The following THSD7B variants were observed in gnomAD, a reference collection of about 807,000 sequenced individuals.
THSD7B encodes the protein thrombospondin type 1 domain containing 7B, also known as thrombospondin type-1 domain-containing protein 7B.
A neutral mutation model predicts 213.6 loss-of-function variants in THSD7B; 138 were observed. The observed-to-expected ratio is 0.65, with a 90% CI of 0.56 to 0.74. The LOEUF (loss-of-function observed/expected upper bound fraction) is 0.74. Ranked by LOEUF, THSD7B falls within the 30% of genes least tolerant of loss-of-function variation. The probability of loss-of-function intolerance (pLI) is 0.00; values close to 1 mark genes in which losing one functional copy is unlikely to be tolerated. For missense variants in THSD7B, 1,931 were observed against 1,991.5 expected (o/e 0.97, Z 0.58); for synonymous variants, 742 against 687.0 (o/e 1.08, Z -1.25).
chr2:137,007,424 T>C (rs147344532), intron 2 of THSD7B, among the ~76,000 whole-genome samples: 1 of 152,164 alleles, frequency 6.6e-6, no homozygotes, highest in South Asian at 2.1e-4. Flanking sequence ...CTAATAGAGA[T>C]AGATGGCCAT....
intron 2 of THSD7B, among the ~76,000 whole-genome samples, chr2:137,048,925 G>A (rs1364802289): frequency 6.6e-6 from 1 of 152,156 alleles, no homozygotes; most frequent in Non-Finnish European, 1.5e-5. Context: ...AAGTCCTTCA[G>A]GAGAACGTTG....
chr2:137,054,530 T>C (rs1157912832), intron 2 of THSD7B, among the ~76,000 whole-genome samples: 1 of 152,222 alleles, frequency 6.6e-6, no homozygotes, highest in Non-Finnish European at 1.5e-5. Context: ...TCTGGGGATG[T>C]ATATGTTTCT....
intron 7 of THSD7B, among the ~76,000 whole-genome samples, chr2:137,203,009 G>C (rs1680910570): frequency 1.3e-5 from 2 of 150,614 alleles, no homozygotes; most frequent in Admixed American, 1.3e-4. Context: ...TGGATAGAAG[G>C]AGGCATGGAC....
intron 20 of THSD7B, among the ~76,000 whole-genome samples, chr2:137,635,508 C>G (rs1682816611): frequency 6.6e-6 from 1 of 152,158 alleles, no homozygotes; most frequent in Admixed American, 6.6e-5. Flanking sequence ...AGGTTGGGAA[C>G]TGGCTGAGTA....
intron 1 of THSD7B, among the ~76,000 whole-genome samples, chr2:136,831,755 C>A (rs1682759818): frequency 6.6e-6 from 1 of 152,198 alleles, no homozygotes; most frequent in Non-Finnish European, 1.5e-5. Context: ...TAAGGCCCTA[C>A]CAAATATCAT....
At chr2:136,943,860 G>T (rs569918542) in intron 2 of THSD7B, among the ~76,000 whole-genome samples, 1 of 152,166 alleles carries the variant, frequency 6.6e-6, no homozygotes, top group East Asian at 1.9e-4. Context: ...TTTTTGAAGG[G>T]TTTTTTGTGT....
intron 2 of THSD7B, among the ~76,000 whole-genome samples, chr2:136,901,959 A>G (rs1684070858): frequency 6.6e-6 from 1 of 152,214 alleles, no homozygotes; most frequent in South Asian, 2.1e-4. Context: ...CTAAGGCCCA[A>G]AATCAGATTT....
intron 15 of THSD7B, among the ~76,000 whole-genome samples, chr2:137,515,323 C>G (rs920516526): frequency 6.6e-6 from 1 of 152,160 alleles, no homozygotes; most frequent in Non-Finnish European, 1.5e-5. Flanking sequence ...CCACCTTTGT[C>G]TGAAGTGATA....
In THSD7B at chr2:137,572,529, G is replaced by A. The variant is rs1469588408; in HGVS notation, c.3396G>A (p.Glu1132=). Residue 1132 remains glutamate, a synonymous_variant, in exon 17 of 28, where the codon GAG becomes GAA. Coordinates refer to ENST00000409968, the MANE Select transcript of THSD7B (RefSeq NM_001316349.2). ...GTCCCAATGAGTGTGTCATGTCTGA[G>A]TGGGGACTTTGGAGCAAATGCCCAC... is the stretch of plus-strand genomic sequence containing the variant. The part of the protein sequence containing the change: ...LMCPNECVMS[E]WGLWSKCPQS... 2 of 1,613,732 alleles carry A rather than the reference G, an allele frequency of 1.2e-6. No individual in the cohort carries two copies.
At chr2:137,675,419 T>C (rs1317103370) in intron 27 of THSD7B, among the ~76,000 whole-genome samples, 1 of 30,650 alleles carries the variant, frequency 3.3e-5, no homozygotes, top group African/African-American at 5.9e-5. Context: ...TATATATATA[T>C]ATATATATAT....
intron 12 of THSD7B, among the ~76,000 whole-genome samples, chr2:137,350,336 G>T: frequency 6.6e-6 from 1 of 151,902 alleles, no homozygotes. Flanking sequence ...TGGTCAGGAA[G>T]AGGAGAAAGA....
intron 12 of THSD7B, among the ~76,000 whole-genome samples, chr2:137,363,822 C>A (rs1685334243): frequency 6.6e-6 from 1 of 152,202 alleles, no homozygotes; most frequent in Non-Finnish European, 1.5e-5. Context: ...AAGAAAGGAG[C>A]TGGTACCATT....
chr2:137,075,417 G>C (rs1393009769), intron 3 of THSD7B, among the ~76,000 whole-genome samples: 1 of 152,128 alleles, frequency 6.6e-6, no homozygotes, highest in Non-Finnish European at 1.5e-5. Context: ...TAGCTCTCGT[G>C]CCTTGGTTTT....
In THSD7B at chr2:137,339,748, T is replaced by C. The variant is rs139826297; in HGVS notation, c.2500+63722T>C. ...ACAGACAGGGAAAGGGCTGTTGTTT[T>C]TTCTCACTTCCATATAGACATGTCT... On this transcript the variant is annotated intron_variant, in intron 12 of 27. Transcript: ENST00000409968. Among the ~76,000 whole-genome samples, 765 of 151,660 alleles carry C rather than the reference T, an allele frequency of 5.0e-3. 3 individuals are homozygous for C. Among genetic ancestry groups the C allele is most frequent in the African/African-American group, 0.017 (724 of 41,486 alleles).
intron 2 of THSD7B, among the ~76,000 whole-genome samples, chr2:137,026,051 T>A (rs1686548435): frequency 1.3e-5 from 2 of 152,112 alleles, no homozygotes; most frequent in African/African-American, 4.8e-5. Flanking sequence ...GGTCCACATG[T>A]TTTTTCTTGT....
At chr2:137,645,547 A>C (rs2104865382) in intron 21 of THSD7B, among the ~76,000 whole-genome samples, 1 of 152,286 alleles carries the variant, frequency 6.6e-6, no homozygotes, top group South Asian at 2.1e-4. Flanking sequence ...TAAGCGATTA[A>C]GGTTGAATAT....
chr2:137,491,766 C>T (rs573174440), intron 15 of THSD7B, among the ~76,000 whole-genome samples: 64 of 152,054 alleles, frequency 4.2e-4, no homozygotes, highest in Non-Finnish European at 6.0e-4. Flanking sequence ...CTATTAGTGT[C>T]AATTGAAAGA....
chr2:136,885,822 G>A (rs1573688866), intron 2 of THSD7B, among the ~76,000 whole-genome samples: 1 of 152,126 alleles, frequency 6.6e-6, no homozygotes, highest in East Asian at 1.9e-4. Context: ...CAATAAACAT[G>A]ATCAGTAGTT....
chr2:137,412,893 C>CTTTTT (rs59348687), intron 14 of THSD7B, among the ~76,000 whole-genome samples: 5 of 140,176 alleles, frequency 3.6e-5, no homozygotes, highest in Admixed American at 2.8e-4. Context: ...TTCTTTCTTT[C>CTTTTT]TTTTTTTTTT....
Sources: allele counts gnomAD v4.1 joint callset (sites outside exome capture counted in the v4.1 genomes callset), GRCh38; gene constraint gnomAD v4.1.1; transcripts MANE v1.5; gene names NCBI Gene and HGNC (gene_info 2026-07-23, HGNC 2026-07-21).